The following RAPGEF6 variants were observed in gnomAD, a reference collection of about 807,000 sequenced individuals.
The protein encoded by RAPGEF6 is PDZ domain containing guanine nucleotide exchange factor (GEF) 2.
In RAPGEF6, 56 loss-of-function variants were observed where a neutral mutation model predicts 171.4. That is an observed-to-expected ratio of 0.33 (90% CI 0.26 to 0.41). The LOEUF (loss-of-function observed/expected upper bound fraction) is 0.41, where lower values mean the gene tolerates loss of function less well. Among genes scored for constraint, RAPGEF6 ranks in the 10% least tolerant of loss-of-function variants. The probability of loss-of-function intolerance (pLI) is 1.00; values close to 1 mark genes in which losing one functional copy is unlikely to be tolerated. For synonymous variants in RAPGEF6, 692 were observed against 650.1 expected (o/e 1.06, Z -0.98); for missense variants, 1,674 against 1,921.4 (o/e 0.87, Z 2.41).
chr5:131,460,274 T>C (rs1470894662), intron 19 of RAPGEF6, among the ~76,000 whole-genome samples: 1 of 152,186 alleles, frequency 6.6e-6, no homozygotes. Context: ...TTGATGACAC[T>C]ATCATAACTG....
chr5:131,634,753 T>TA (rs1766528695), intron 1 of RAPGEF6, among the ~76,000 whole-genome samples: 1 of 152,102 alleles, frequency 6.6e-6, no homozygotes, highest in South Asian at 2.1e-4. Context: ...CAAGGACGGG[T>TA]ACGCGGGTTA....
chr5:131,575,424 AAAGCCCAGATTTCTTCCCCATCCGTTAC>A (rs1409789675), intron 4 of RAPGEF6, among the ~76,000 whole-genome samples: 1 of 152,092 alleles, frequency 6.6e-6, no homozygotes, highest in Non-Finnish European at 1.5e-5. Flanking sequence ...ATCCCCCTCT[AAAGCCCAGATTTCTTCCCCATCCGTTAC>A]CGATCTTGGC....
chr5:131,533,286 C>A (rs756941177), intron 6 of RAPGEF6, among the ~76,000 whole-genome samples: 12 of 151,872 alleles, frequency 7.9e-5, no homozygotes, highest in Non-Finnish European at 1.5e-4. Context: ...AGCACCCTTT[C>A]TACTTCACAG....
intron 5 of RAPGEF6, 106 bp downstream of exon 5, chr5:131,561,872 T>C: frequency 3.6e-6 from 3 of 826,114 alleles, no homozygotes; most frequent in Admixed American, 2.6e-5. Context: ...ATGAAATCTC[T>C]AAAAGGTCAT....
chr5:131,464,360 A>C (rs1358676232), intron 17 of RAPGEF6, 79 bp from the exon 18 acceptor site: 2 of 1,077,876 alleles, frequency 1.9e-6, no homozygotes, highest in Admixed American at 3.7e-5. Flanking sequence ...CGTGAAACAC[A>C]GTGATCCCTC....
At chr5:131,584,089 T>C (rs1011579440) in intron 4 of RAPGEF6, among the ~76,000 whole-genome samples, 3 of 152,242 alleles carry the variant, frequency 2.0e-5, no homozygotes, top group Non-Finnish European at 4.4e-5. Flanking sequence ...CTTTTTCTAG[T>C]GATAGAGCTT....
At chr5:131,452,993 T>C (rs1414308803) in intron 21 of RAPGEF6, 61 bp downstream of exon 21, 22 of 1,533,702 alleles carry the variant, frequency 1.4e-5, no homozygotes, top group Non-Finnish European at 1.9e-5. Flanking sequence ...ATGATAAATA[T>C]TTTAATTATT....
Position 131,479,707 on chromosome 5 carries a change from A to C in RAPGEF6, c.1887T>G (p.Val629=), listed in dbSNP as rs1323570330. 6.2e-7 allele frequency: 1 copy of C among 1,613,952 alleles called. No homozygotes were observed. The highest frequency in any genetic ancestry group is 1.7e-5 in the Admixed American group (1 of 60,018). Residue 629 remains valine (V), a synonymous_variant, in exon 16 of 28, where the codon GTT becomes GTG. Transcript: ENST00000509018. Reference sequence around the variant, plus strand: ...TTTCAGCAATTTTGGGAATATGAGGAACACCAGATTTCTCTTGTTCAGTCC... The same window carrying C: ...TTTCAGCAATTTTGGGAATATGAGGCACACCAGATTTCTCTTGTTCAGTCC... ...LFRTEQEKSG[V]PHIPKIAEKK...
At chr5:131,443,562 C>T (rs918901906) in intron 22 of RAPGEF6, among the ~76,000 whole-genome samples, 3 of 152,118 alleles carry the variant, frequency 2.0e-5, no homozygotes, top group African/African-American at 7.2e-5. Context: ...CATATCATTT[C>T]CCTTCTCCTT....
intron 1 of RAPGEF6, 92 bp from the exon 2 acceptor site, chr5:131,604,785 A>G: frequency 7.1e-7 from 1 of 1,406,146 alleles, no homozygotes; most frequent in Non-Finnish European, 9.5e-7. Context: ...GCAAACAACC[A>G]CTTATGGCAA....
chr5:131,510,554 A>G lies in RAPGEF6; in HGVS notation c.628-63T>C. 27 of 1,500,994 alleles carry G rather than the reference A, an allele frequency of 1.8e-5. 1 individual carries two copies. The South Asian group carries it at 3.1e-4, about 17-fold the overall frequency. The allele number at this position is 1,500,994 out of a possible 1,614,324, so 93.0% of individuals were successfully genotyped here. ...AAAAAATATTATAAGTCACAGTCTG[A>G]ATTAATCAAAACTACCCATCCCTAC... On this transcript the variant is annotated intron_variant, in intron 7 of 27. Transcript: ENST00000509018.
intron 1 of RAPGEF6, among the ~76,000 whole-genome samples, chr5:131,615,444 T>C (rs901495587): frequency 2.0e-5 from 3 of 152,112 alleles, no homozygotes; most frequent in African/African-American, 7.2e-5. Context: ...TACTATATTA[T>C]CTATTAGGCA....
chr5:131,615,672 G>C (rs543485456), intron 1 of RAPGEF6, among the ~76,000 whole-genome samples: 1 of 152,100 alleles, frequency 6.6e-6, no homozygotes, highest in Non-Finnish European at 1.5e-5. Context: ...AGGCAGAGTG[G>C]GCGGATTACT....
chr5:131,448,449 T>G (rs1370081030), intron 21 of RAPGEF6, among the ~76,000 whole-genome samples: 1 of 152,234 alleles, frequency 6.6e-6, no homozygotes, highest in African/African-American at 2.4e-5. Context: ...GATACTGCAG[T>G]GATTTTCCTT....
chr5:131,452,837 T>G (rs958343423), intron 21 of RAPGEF6, among the ~76,000 whole-genome samples: 5 of 152,194 alleles, frequency 3.3e-5, no homozygotes, highest in Admixed American at 2.6e-4. Context: ...TAAAAACTGC[T>G]CTGAGCTTCA....
chr5:131,462,183 TTAA>T (rs1240593378), intron 18 of RAPGEF6, 95 bp from the exon 19 acceptor site: 4 of 1,030,936 alleles, frequency 3.9e-6, no homozygotes, highest in Non-Finnish European at 5.2e-6. Context: ...CATTTTACTG[TTAA>T]TAACTTTTAG....
intron 7 of RAPGEF6, 75 bp downstream of exon 7, chr5:131,521,315 A>G (rs1758460021): frequency 2.1e-6 from 3 of 1,416,786 alleles, no homozygotes; most frequent in African/African-American, 1.5e-5. Context: ...TATGTTAACC[A>G]TCTAAGGCAC....
chr5:131,608,735 G>A (rs898349981), intron 1 of RAPGEF6, among the ~76,000 whole-genome samples: 3 of 151,946 alleles, frequency 2.0e-5, no homozygotes, highest in Admixed American at 2.0e-4. Context: ...AAACCAATTG[G>A]TTCCCCCGAG....
chr5:131,546,277 G>T (rs1321485751), intron 6 of RAPGEF6, among the ~76,000 whole-genome samples: 3 of 152,046 alleles, frequency 2.0e-5, no homozygotes, highest in Admixed American at 6.6e-5. Context: ...ATGAAAATGT[G>T]GGCATACATT....
Sources: gnomAD v4.1 joint callset for allele counts (sites outside exome capture counted in the v4.1 genomes callset) on GRCh38, gnomAD v4.1.1 for gene constraint, MANE v1.5 for transcripts, NCBI Gene and HGNC (gene_info 2026-07-23, HGNC 2026-07-21) for gene names.